Variants in CAST observed in about 807,000 individuals in gnomAD.
CAST encodes MIR583 host.
Under a neutral mutation model 119.6 loss-of-function variants are expected in CAST, and 76 were observed. The observed-to-expected ratio is 0.64, with a 90% confidence interval of 0.53 to 0.77. CAST has a LOEUF of 0.77. Ranked by LOEUF, CAST falls within the 30% of genes least tolerant of loss-of-function variation. CAST has a pLI of 0.00. For synonymous variants in CAST, 319 were observed against 331.6 expected (o/e 0.96, Z 0.41); for missense variants, 953 against 946.5 (o/e 1.01, Z -0.09).
At chr5:96,043,091 C>T in the CAST span, among the ~76,000 whole-genome samples, 4 of 152,134 alleles carry the variant, frequency 2.6e-5, no homozygotes, top group Admixed American at 2.6e-4. Flanking sequence ...GAAGATATGA[C>T]TAATAGTATA....
At chr5:96,381,707 G>T in the CAST span, among the ~76,000 whole-genome samples, 1 of 152,210 alleles carries the variant, frequency 6.6e-6, no homozygotes, top group African/African-American at 2.4e-5. Context: ...TCTCCTAGGG[G>T]AGCTGTTTGC....
chr5:95,978,094 G>C, the CAST span, among the ~76,000 whole-genome samples: 1 of 151,988 alleles, frequency 6.6e-6, no homozygotes, highest in African/African-American at 2.4e-5. Flanking sequence ...ATTGTGAATA[G>C]TGCTGGATGA....
chr5:96,718,208 ATATC>A (rs1190756497), intron 3 of CAST, among the ~76,000 whole-genome samples: 2 of 152,332 alleles, frequency 1.3e-5, no homozygotes, highest in African/African-American at 2.4e-5. Context: ...ATTTCAGCCT[ATATC>A]TATCTTTCTT....
chr5:96,249,857 T>C, the CAST span, among the ~76,000 whole-genome samples: 1 of 152,196 alleles, frequency 6.6e-6, no homozygotes, highest in South Asian at 2.1e-4. Flanking sequence ...TAATCTCCTC[T>C]ACCATATTCC....
chr5:96,748,130 A>G (rs960341956), intron 18 of CAST, among the ~76,000 whole-genome samples: 1 of 152,246 alleles, frequency 6.6e-6, no homozygotes, highest in Non-Finnish European at 1.5e-5. Context: ...AACGGAGTAT[A>G]TCATCCGTGT....
the CAST span, among the ~76,000 whole-genome samples, chr5:96,306,788 A>G: frequency 1.3e-5 from 2 of 152,222 alleles, no homozygotes; most frequent in East Asian, 1.9e-4. Context: ...CTGAGTTCCA[A>G]TTTGATTGCC....
At chr5:96,045,851 C>G in the CAST span, among the ~76,000 whole-genome samples, 1 of 151,958 alleles carries the variant, frequency 6.6e-6, no homozygotes, top group Non-Finnish European at 1.5e-5. Flanking sequence ...AATATAGGTA[C>G]AAAAAAGTTT....
chr5:96,760,772 T>A (rs1035580718), intron 24 of CAST: 2 of 151,944 alleles, frequency 1.3e-5, no homozygotes, highest in Non-Finnish European at 3.0e-5. Flanking sequence ...TTAAGTCAGT[T>A]TAACTAAATA....
At chr5:96,169,122 G>C in the CAST span, among the ~76,000 whole-genome samples, 1 of 152,166 alleles carries the variant, frequency 6.6e-6, no homozygotes, top group Non-Finnish European at 1.5e-5. Flanking sequence ...AGAAGGGATT[G>C]GGGTTTGGGA....
At chr5:96,328,197 A>G in the CAST span, among the ~76,000 whole-genome samples, 4 of 152,168 alleles carry the variant, frequency 2.6e-5, no homozygotes, top group East Asian at 7.7e-4. Flanking sequence ...AAATGTTAAA[A>G]ACTCATGGCA....
chr5:96,686,913 T>A (rs923930889), intron 2 of CAST, among the ~76,000 whole-genome samples: 1 of 152,200 alleles, frequency 6.6e-6, no homozygotes, highest in African/African-American at 2.4e-5. Context: ...GGCTGGTTTT[T>A]CCAAGAGTTG....
chr5:96,430,693 AATT>A, the CAST span, among the ~76,000 whole-genome samples: 1 of 152,342 alleles, frequency 6.6e-6, no homozygotes, highest in East Asian at 1.9e-4. Context: ...TTCTACAAAG[AATT>A]ATTATTCTAA....
At chr5:96,508,076 G>A in the CAST span, among the ~76,000 whole-genome samples, 2 of 151,484 alleles carry the variant, frequency 1.3e-5, no homozygotes, top group African/African-American at 4.9e-5. Context: ...GCCCAGGCTG[G>A]TCTTGAACTC....
chr5:96,189,262 G>C, the CAST span, among the ~76,000 whole-genome samples: 3 of 152,144 alleles, frequency 2.0e-5, no homozygotes, highest in African/African-American at 7.2e-5. Flanking sequence ...TTTCATCAGA[G>C]AGGATTTGGT....
the CAST span, among the ~76,000 whole-genome samples, chr5:96,099,572 A>G: frequency 6.6e-6 from 1 of 152,204 alleles, no homozygotes; most frequent in South Asian, 2.1e-4. Flanking sequence ...TTCTGCATCT[A>G]TTAAGATAAT....
At chr5:96,166,045 G>GTCC in the CAST span, among the ~76,000 whole-genome samples, 19 of 152,086 alleles carry the variant, frequency 1.2e-4, no homozygotes, top group African/African-American at 3.9e-4. Flanking sequence ...AATAAATCAA[G>GTCC]TCCTGCTTGG....
At chr5:96,255,799 T>C in the CAST span, among the ~76,000 whole-genome samples, 877 of 152,244 alleles carry the variant, frequency 5.8e-3, 10 homozygotes, top group African/African-American at 0.019. Flanking sequence ...GGATAATATA[T>C]ATAAGCCCAT....
chr5:96,026,627 G>A, the CAST span, among the ~76,000 whole-genome samples: 3 of 152,166 alleles, frequency 2.0e-5, no homozygotes, highest in African/African-American at 7.2e-5. Context: ...AATGAGAAAA[G>A]CAGAATGCTT....
At chr5:96,363,368 G>C in the CAST span, among the ~76,000 whole-genome samples, 1 of 149,990 alleles carries the variant, frequency 6.7e-6, no homozygotes, top group Non-Finnish European at 1.5e-5. Context: ...CCAATTCTGT[G>C]AAGAAAGTCA....
Sources: allele counts gnomAD v4.1 joint callset (sites outside exome capture counted in the v4.1 genomes callset), GRCh38; gene constraint gnomAD v4.1.1; transcripts MANE v1.5; gene names NCBI Gene and HGNC (gene_info 2026-07-23, HGNC 2026-07-21).